NRXN3: variants seen among roughly 807,000 people sequenced by gnomAD.
NRXN3 encodes the protein neurexin 3.
A neutral mutation model predicts 137.6 loss-of-function variants in NRXN3; 32 were observed. That is an observed-to-expected ratio of 0.23 (90% CI 0.18 to 0.31). The LOEUF (loss-of-function observed/expected upper bound fraction) is 0.31. Ranked by LOEUF, NRXN3 falls within the 10% of genes least tolerant of loss-of-function variation. The pLI is 1.00. For missense variants in NRXN3, 1,574 were observed against 2,062.5 expected, an observed-to-expected ratio of 0.76 and a Z score of 4.59; for synonymous variants, 798 against 784.5, an observed-to-expected ratio of 1.02 and a Z score of -0.29.
At chr14:79,151,297 T>TTG (rs763952386) in intron 15 of NRXN3, among the ~76,000 whole-genome samples, 10 of 152,072 alleles carry the variant, frequency 6.6e-5, no homozygotes, top group Non-Finnish European at 1.0e-4. Flanking sequence ...CAGGCTCCTA[T>TTG]TGTATACTTG....
chr14:79,550,657 G>C (rs112701803), intron 16 of NRXN3, among the ~76,000 whole-genome samples: 1 of 152,102 alleles, frequency 6.6e-6, no homozygotes, highest in Admixed American at 6.5e-5. Flanking sequence ...AGTCAGAAAG[G>C]CCAGCCAAGG....
At chr14:78,797,524 T>C (rs992423500) in intron 8 of NRXN3, among the ~76,000 whole-genome samples, 1 of 152,166 alleles carries the variant, frequency 6.6e-6, no homozygotes, top group African/African-American at 2.4e-5. Flanking sequence ...AAGTAGATAA[T>C]AAAATAATGA....
intron 10 of NRXN3, among the ~76,000 whole-genome samples, chr14:78,915,137 T>C (rs1323464921): frequency 6.6e-6 from 1 of 151,896 alleles, no homozygotes; most frequent in Non-Finnish European, 1.5e-5. Context: ...GCTCAATAAA[T>C]TGCCTTCCAT....
intron 10 of NRXN3, among the ~76,000 whole-genome samples, chr14:78,867,987 G>A (rs2099091525): frequency 1.4e-5 from 2 of 147,154 alleles, no homozygotes; most frequent in African/African-American, 4.9e-5. Context: ...TTACAAAAAT[G>A]ATTGTAATTT....
chr14:78,924,947 G>C (rs2099281736), intron 10 of NRXN3, among the ~76,000 whole-genome samples: 1 of 152,198 alleles, frequency 6.6e-6, no homozygotes, highest in Non-Finnish European at 1.5e-5. Context: ...TTCCGAAAGA[G>C]TTCAGAGCTG....
chr14:78,529,389 C>G (rs2096428326), intron 4 of NRXN3, among the ~76,000 whole-genome samples: 1 of 152,170 alleles, frequency 6.6e-6, no homozygotes. Flanking sequence ...CTGTGACAAA[C>G]TGGAGAGAGA....
chr14:78,948,002 G>A (rs1032402360), intron 10 of NRXN3, among the ~76,000 whole-genome samples: 1 of 152,092 alleles, frequency 6.6e-6, no homozygotes, highest in East Asian at 1.9e-4. Flanking sequence ...TACCTCATGC[G>A]GTTGCTGTAA....
intron 15 of NRXN3, among the ~76,000 whole-genome samples, chr14:79,192,116 T>C (rs1222941857): frequency 6.6e-6 from 1 of 152,196 alleles, no homozygotes; most frequent in Non-Finnish European, 1.5e-5. Context: ...CTGGAACTCC[T>C]GACCTTGTGA....
chr14:79,743,673 T>C (rs1283843909), intron 19 of NRXN3, among the ~76,000 whole-genome samples: 1 of 152,162 alleles, frequency 6.6e-6, no homozygotes, highest in Non-Finnish European at 1.5e-5. Flanking sequence ...TGACACCTCA[T>C]GATATTACTT....
chr14:79,661,350 C>T (rs1173749536), intron 16 of NRXN3, among the ~76,000 whole-genome samples: 1 of 152,144 alleles, frequency 6.6e-6, no homozygotes, highest in African/African-American at 2.4e-5. Context: ...CACCCTGTAT[C>T]TCTGCATCCT....
chr14:79,555,084 T>C (rs1457943990), intron 16 of NRXN3, among the ~76,000 whole-genome samples: 2 of 152,162 alleles, frequency 1.3e-5, no homozygotes, highest in African/African-American at 4.8e-5. Context: ...TTTTATGTGT[T>C]CAGTGAAGTA....
At chr14:79,548,757 A>C (rs1156836683) in intron 16 of NRXN3, among the ~76,000 whole-genome samples, 3 of 151,666 alleles carry the variant, frequency 2.0e-5, no homozygotes, top group Non-Finnish European at 2.9e-5. Context: ...TAAAAAAAAA[A>C]AAAACAAAAA....
intron 19 of NRXN3, among the ~76,000 whole-genome samples, chr14:79,709,371 T>A (rs1280738453): frequency 2.6e-5 from 4 of 152,160 alleles, no homozygotes; most frequent in Non-Finnish European, 2.9e-5. Flanking sequence ...ATACCCCAAC[T>A]AAGGATTAGA....
chr14:79,010,646 G>A (rs2964907), intron 15 of NRXN3, among the ~76,000 whole-genome samples: 25,811 of 152,046 alleles, frequency 0.17, 5,851 homozygotes, highest in African/African-American at 0.52. Context: ...TATAAGAAAT[G>A]CTTATGGAAT....
At chr14:78,912,016 C>G (rs2099239578) in intron 10 of NRXN3, among the ~76,000 whole-genome samples, 1 of 151,358 alleles carries the variant, frequency 6.6e-6, no homozygotes, top group African/African-American at 2.4e-5. Context: ...GTGTGCTGCA[C>G]CCATTAACTC....
chr14:79,829,778 T>TAC (rs899427715), intron 20 of NRXN3, among the ~76,000 whole-genome samples: 3 of 152,150 alleles, frequency 2.0e-5, no homozygotes, highest in African/African-American at 7.2e-5. Context: ...ACATCATCTA[T>TAC]ACATCCAGTC....
intron 15 of NRXN3, among the ~76,000 whole-genome samples, chr14:79,457,713 T>C (rs1034757502): frequency 6.6e-6 from 1 of 152,204 alleles, no homozygotes; most frequent in Non-Finnish European, 1.5e-5. Flanking sequence ...GAGGATCATA[T>C]AAATCAGGCA....
chr14:78,511,902 C>T (rs2096115912), intron 4 of NRXN3, among the ~76,000 whole-genome samples: 1 of 152,100 alleles, frequency 6.6e-6, no homozygotes, highest in Non-Finnish European at 1.5e-5. Context: ...GAGCATCAGT[C>T]TGTTAGGGTT....
chr14:78,336,700 G>T (rs767761347), intron 4 of NRXN3, among the ~76,000 whole-genome samples: 1 of 152,120 alleles, frequency 6.6e-6, no homozygotes, highest in Non-Finnish European at 1.5e-5. Context: ...AGTAACAGAG[G>T]TGCAATGGGT....
Sources: allele counts gnomAD v4.1 joint callset (sites outside exome capture counted in the v4.1 genomes callset), GRCh38; gene constraint gnomAD v4.1.1; transcripts MANE v1.5; gene names NCBI Gene and HGNC (gene_info 2026-07-23, HGNC 2026-07-21).